MACF1: variants seen among roughly 807,000 people sequenced by gnomAD.
MACF1 encodes microtubule-actin cross-linking factor 1.
A neutral mutation model predicts 854.8 loss-of-function variants in MACF1; 193 were observed. The observed-to-expected ratio is 0.23, with a 90% CI of 0.20 to 0.25. The LOEUF (loss-of-function observed/expected upper bound fraction) is 0.25, where lower values mean the gene tolerates loss of function less well. MACF1 is among the 10% of genes least tolerant of loss of function. The pLI, the probability that MACF1 is intolerant of heterozygous loss-of-function variation, is 1.00. For synonymous variants in MACF1, 3,185 were observed against 3,226.7 expected (o/e 0.99, Z 0.44); for missense variants, 7,722 against 8,929.1 (o/e 0.86, Z 5.45).
intron 2 of MACF1, 127 bp from the exon 3 acceptor site, chr1:39,249,887 T>C (rs1645021413): frequency 1.9e-6 from 1 of 534,194 alleles, no homozygotes; most frequent in Non-Finnish European, 3.3e-6. Flanking sequence ...CTGAATTTTA[T>C]TATTTAATTG....
intron 6 of MACF1, 76 bp from the exon 7 acceptor site, chr1:39,282,132 T>C (rs1300089757): frequency 6.7e-7 from 1 of 1,497,492 alleles, no homozygotes; most frequent in Admixed American, 1.8e-5. Context: ...CTAAGAGCCA[T>C]AATGTATGGA....
intron 23 of MACF1, among the ~76,000 whole-genome samples, chr1:39,306,020 TG>T (rs1327377549): frequency 5.3e-5 from 8 of 152,234 alleles, no homozygotes; most frequent in African/African-American, 1.9e-4. Context: ...TTGTCCATTT[TG>T]TTTACCTCTG....
At chr1:39,469,963 A>G (rs1344913054) in intron 97 of MACF1, among the ~76,000 whole-genome samples, 1 of 152,234 alleles carries the variant, frequency 6.6e-6, no homozygotes, top group Non-Finnish European at 1.5e-5. Context: ...GAAAACGTAA[A>G]TAATTTGCCC....
In MACF1 at chr1:39,427,442, T is replaced by C; in HGVS notation, c.16317-13T>C. ...TTTTCTTCCTGAGCAGCTTGTTCTA[T>C]ATATTTGTGTAGGCAAAAACAGCTG... On this transcript the variant is annotated splice_polypyrimidine_tract_variant and intron_variant, in intron 61 of 100. Transcript: ENST00000564288. 2 of 1,613,168 alleles carry C rather than the reference T, an allele frequency of 1.2e-6. No individual in the cohort carries two copies. The highest frequency in any genetic ancestry group is 1.7e-6 in the Non-Finnish European group (2 of 1,179,554).
intron 2 of MACF1, among the ~76,000 whole-genome samples, chr1:39,197,876 A>G (rs541815479): frequency 1.3e-5 from 2 of 152,238 alleles, no homozygotes; most frequent in African/African-American, 4.8e-5. Flanking sequence ...ACAGAGCGAG[A>G]CCATGTTTCG....
chr1:39,187,963 CT>C (rs1644199017), intron 2 of MACF1, among the ~76,000 whole-genome samples: 1 of 74,854 alleles, frequency 1.3e-5, no homozygotes, highest in African/African-American at 4.1e-5. Flanking sequence ...CTTCCCTCCC[CT>C]CCTCTCCCCT....
chr1:39,296,776 G>GGAATGA (rs1294687903), intron 20 of MACF1, among the ~76,000 whole-genome samples: 1 of 81,374 alleles, frequency 1.2e-5, no homozygotes. Flanking sequence ...GGAAGGAAAA[G>GGAATGA]AAAGAAAGAA....
chr1:39,292,165 G>A (rs371908899), intron 16 of MACF1, 127 bp downstream of exon 16: 27 of 1,073,466 alleles, frequency 2.5e-5, no homozygotes, highest in East Asian at 1.0e-4. Flanking sequence ...GATGAAGAGC[G>A]GTTTATGACA....
chr1:39,398,608 A>C (rs1642361910), intron 58 of MACF1, among the ~76,000 whole-genome samples: 2 of 152,146 alleles, frequency 1.3e-5, no homozygotes, highest in South Asian at 4.1e-4. Flanking sequence ...ATCCCATGAC[A>C]AGTAAGAGTT....
Position 39,331,788 on chromosome 1 carries a change from G to T in MACF1, c.5200G>T (p.Ala1734Ser), listed in dbSNP as rs140487703. The change falls in exon 37 of 101, where the codon GCA becomes TCA. Residue 1734 changes from alanine (A) to serine (S), a missense_variant. Ala to Ser is a moderately conservative substitution (Grantham distance 99). This residue lies in a region of MACF1 where 1,531 missense variants were observed against 1,601.6 expected (regional missense o/e 0.96). Transcript: ENST00000564288. The part of the protein sequence containing the change: ...GFKLLPVKQL[A>S]GGMVSLKSGR... Reference sequence around the variant, plus strand: ...CAAATTACTGCCTGTCAAACAATTGGCAGGGGGGATGGTGAGCTTGAAATC... The same window carrying T: ...CAAATTACTGCCTGTCAAACAATTGTCAGGGGGGATGGTGAGCTTGAAATC... 141 of 1,614,140 alleles carry T rather than the reference G, an allele frequency of 8.7e-5. No individual in the cohort carries two copies. In the African/African-American group the frequency reaches 1.3e-3, roughly 15 times the overall value.
intron 2 of MACF1, among the ~76,000 whole-genome samples, chr1:39,173,982 G>A (rs1160327212): frequency 6.6e-6 from 1 of 151,914 alleles, no homozygotes; most frequent in Non-Finnish European, 1.5e-5. Context: ...TGAAGGTGCC[G>A]TATTTAAGGG....
intron 58 of MACF1, among the ~76,000 whole-genome samples, chr1:39,401,625 A>T (rs192821124): frequency 6.6e-6 from 1 of 152,342 alleles, no homozygotes; most frequent in Non-Finnish European, 1.5e-5. Flanking sequence ...ACATTTGGTC[A>T]TGTGTATATA....
At position 39,370,173 on chromosome 1, in the gene MACF1, T is replaced by A; in HGVS notation, c.13082T>A (p.Ile4361Asn). 1 of 1,612,210 alleles carries A rather than the reference T, an allele frequency of 6.2e-7. No homozygotes were observed. The highest frequency in any genetic ancestry group is 8.5e-7 in the Non-Finnish European group (1 of 1,179,238). ...SMSAKELEKQ[I>N]EHLKSLLDDW... Reference sequence around the variant, plus strand: ...AGTGCTAAAGAGTTAGAAAAGCAGATTGAACACCTGAAGGTAGGTGAACAA... The same window carrying A: ...AGTGCTAAAGAGTTAGAAAAGCAGAATGAACACCTGAAGGTAGGTGAACAA... The change falls in exon 51 of 101, where the codon ATT (isoleucine) becomes AAT (asparagine). Residue 4361 changes from isoleucine (I) to asparagine (N), a missense_variant. Coordinates refer to ENST00000564288, the MANE Select transcript of MACF1 (RefSeq NM_001394062.1).
chr1:39,182,456 T>C (rs1644117142), intron 2 of MACF1, among the ~76,000 whole-genome samples: 1 of 152,100 alleles, frequency 6.6e-6, no homozygotes, highest in African/African-American at 2.4e-5. Flanking sequence ...GCAAATCATA[T>C]ATCTAATAAG....
intron 2 of MACF1, among the ~76,000 whole-genome samples, chr1:39,182,868 T>C (rs1032715469): frequency 1.3e-5 from 2 of 152,188 alleles, no homozygotes; most frequent in African/African-American, 4.8e-5. Context: ...ATTCATAGAA[T>C]ATAGAAAACA....
intron 2 of MACF1, among the ~76,000 whole-genome samples, chr1:39,186,817 C>T (rs1044001938): frequency 3.3e-5 from 5 of 151,770 alleles, no homozygotes; most frequent in African/African-American, 4.8e-5. Context: ...GTTTTGTTCT[C>T]CAGGCTAGTC....
At chr1:39,194,193 C>A (rs563679267) in intron 2 of MACF1, among the ~76,000 whole-genome samples, 1 of 152,258 alleles carries the variant, frequency 6.6e-6, no homozygotes, top group Admixed American at 6.5e-5. Flanking sequence ...TGCCCCTCCT[C>A]TTTAGTGTTA....
In MACF1 at chr1:39,350,868, G is replaced by C. The variant is rs1180542486; in HGVS notation, c.11049G>C (p.Gln3683His). The C allele has an allele frequency of 6.2e-7, 1 of 1,614,050 alleles. No individual in the cohort carries two copies. The highest frequency in any genetic ancestry group is 8.5e-7 in the Non-Finnish European group (1 of 1,179,990). The change falls in exon 43 of 101, where the codon CAG becomes CAC. Residue 3683 changes from glutamine (Q) to histidine (H), a missense_variant. Around this residue, in one of 15 missense-constraint regions of MACF1, gnomAD observed 2,807 missense variants for 3,235.8 expected, o/e 0.87. Transcript: ENST00000564288. The stretch of plus-strand genomic sequence containing the variant: ...TTGAGGGGTTCATGGAAGAGAATCA[G>C]ACCAAGCTGAGCCCACGTGAGTTGA... Reference protein sequence around the residue: ...KDIEGFMEENQTKLSPRELTA... With the variant: ...KDIEGFMEENHTKLSPRELTA...
rs559849237 is a variant in MACF1, at chr1:39,310,356, C to T, written c.3028C>T (p.Arg1010Cys). The T allele has an allele frequency of 4.2e-5, 68 of 1,614,024 alleles. No individual in the cohort carries two copies. Among genetic ancestry groups the T allele is most frequent in the African/African-American group, 2.7e-4 (20 of 75,004 alleles). The stretch of plus-strand genomic sequence containing the variant: ...CTCTGTGCTGTTCTCAGTGGCTGAT[C>T]GCTTGCGCTTGGAAGAGGAGGTGGA... ...RDSVLFSVAD[R>C]LRLEEEVEAC... The change falls in exon 25 of 101, where the codon CGC becomes TGC. Residue 1010 changes from arginine to cysteine, a missense_variant. Arg to Cys is a radical substitution (Grantham distance 180, BLOSUM62 -3). Transcript: ENST00000564288.
Sources: allele counts gnomAD v4.1 joint callset (sites outside exome capture counted in the v4.1 genomes callset), GRCh38; gene constraint gnomAD v4.1.1; regional missense constraint gnomAD v4.1.1; transcripts MANE v1.5; gene names NCBI Gene and HGNC (gene_info 2026-07-23, HGNC 2026-07-21).